MOSPD2: variants seen among roughly 807,000 people sequenced by gnomAD.
MOSPD2 encodes motile sperm domain-containing protein 2.
A neutral mutation model predicts 41.7 loss-of-function variants in MOSPD2; 5 were observed. That is an observed-to-expected ratio of 0.12 (90% CI 0.06 to 0.25). The LOEUF is 0.25. Ranked by LOEUF, MOSPD2 falls within the 10% of genes least tolerant of loss-of-function variation. MOSPD2 has a pLI of 1.00. For missense variants in MOSPD2, 282 were observed against 375.2 expected (o/e 0.75, Z 2.05); for synonymous variants, 115 against 126.9 (o/e 0.91, Z 0.63).
chrX:14,906,963 G>T (rs139767003), intron 7 of MOSPD2, among the ~76,000 whole-genome samples: 2,362 of 111,960 alleles, frequency 0.021, 55 homozygotes, highest in African/African-American at 0.073. Context: ...GGCAGAGGTT[G>T]CAGTGAGCCA....
rs1322759303 is a variant in MOSPD2 at position 14,873,711 on chromosome X, A to G, written c.32A>G (p.Lys11Arg). 5.0e-6 allele frequency: 6 copies of G among 1,209,336 alleles called. No homozygotes were observed. In the East Asian group the frequency reaches 1.8e-4, roughly 36 times the overall value. The change falls in exon 2 of 15, where the codon AAG becomes AGG. Residue 11 changes from lysine (K) to arginine (R), a missense_variant. Transcript: ENST00000380492. MAENHAQNKA[K>R]LISETRRRFE... is the part of the protein sequence containing the mutation. ...CAGAATCACGCCCAGAATAAAGCCA[A>G]GCTCATCTCTGAGACCCGGAGGAGG...
intron 8 of MOSPD2, among the ~76,000 whole-genome samples, chrX:14,910,613 C>A (rs2092589788): frequency 9.0e-6 from 1 of 111,351 alleles, no homozygotes. Context: ...ACAGAATAAA[C>A]TCCTAGAAAA....
Position 14,921,979 on chromosome X carries a change from A to C in MOSPD2, c.*2170A>C, listed in dbSNP as rs2092610513. The C allele has an allele frequency of 8.9e-6, 1 of 111,759 alleles. No individual in the cohort carries two copies. Among genetic ancestry groups the C allele is most frequent in the African/African-American group, 3.3e-5 (1 of 30,732 alleles). The allele number at this position is 111,759 out of a possible 1,213,427, so 9.2% of individuals were successfully genotyped here. On this transcript the variant is annotated 3_prime_UTR_variant, in exon 15 of 15. Coordinates refer to ENST00000380492, the MANE Select transcript of MOSPD2 (RefSeq NM_152581.4). ...TGGAAATTAATAGATTTTCCATGAA[A>C]GCATTAGTGAAATATCATTACCTTG...
At chrX:14,879,681 G>T (rs140147473) in intron 2 of MOSPD2, among the ~76,000 whole-genome samples, 43 of 111,932 alleles carry the variant, frequency 3.8e-4, no homozygotes, top group African/African-American at 1.3e-3. Flanking sequence ...CCAGTAAAAT[G>T]AGTAGGTGGT....
chrX:14,885,544 C>T (rs746898753), intron 2 of MOSPD2: 4 of 111,704 alleles, frequency 3.6e-5, no homozygotes, highest in Non-Finnish European at 7.5e-5. Context: ...AGGAAAAAGA[C>T]AATGATTTCT....
intron 7 of MOSPD2, among the ~76,000 whole-genome samples, chrX:14,906,054 C>T (rs1405591531): frequency 9.0e-6 from 1 of 111,517 alleles, no homozygotes; most frequent in East Asian, 2.8e-4. Flanking sequence ...ATCAAAAGCC[C>T]AGCTGCCTTT....
chrX:14,911,988 ATTAAT>A (rs1159702203), intron 9 of MOSPD2, among the ~76,000 whole-genome samples: 10 of 112,581 alleles, frequency 8.9e-5, no homozygotes, highest in Non-Finnish European at 1.7e-4. Flanking sequence ...TCTAAAAGTA[ATTAAT>A]TTAAAACTTT....
At position 14,920,003 on chromosome X, in the gene MOSPD2, T is replaced by G; in HGVS notation, c.*194T>G. On this transcript the variant is annotated 3_prime_UTR_variant, in exon 15 of 15. Coordinates refer to ENST00000380492, the MANE Select transcript of MOSPD2 (RefSeq NM_152581.4). ...AATAAAGAAATGCTGGAGAAATTGA[T>G]TATAAGAGACTATAGCTATTTAGTA... The G allele has an allele frequency of 1.0e-6, 1 of 956,379 alleles. No individual in the cohort carries two copies. Among genetic ancestry groups the G allele is most frequent in the Non-Finnish European group, 1.3e-6 (1 of 764,298 alleles). The allele number at this position is 956,379 out of a possible 1,213,427, so 78.8% of individuals were successfully genotyped here.
intron 8 of MOSPD2, among the ~76,000 whole-genome samples, chrX:14,910,990 A>G (rs890937404): frequency 9.0e-6 from 1 of 110,628 alleles, no homozygotes; most frequent in Non-Finnish European, 1.9e-5. Flanking sequence ...GCTTTTATCC[A>G]TCTGAAATTC....
chrX:14,896,997 G>T (rs1038296757), intron 4 of MOSPD2, 87 bp from the exon 5 acceptor site: 12 of 709,349 alleles, frequency 1.7e-5, no homozygotes, highest in Admixed American at 1.2e-4. Flanking sequence ...AATTGTAAAT[G>T]AAAAATGTCA....
At position 14,920,226 on chromosome X, in the gene MOSPD2, G is replaced by A. The variant is rs948148397; in HGVS notation, c.*417G>A. The stretch of plus-strand genomic sequence containing the variant: ...ATGACAGAATTATTATAGCTGAGCT[G>A]ACTTACTAGCTTTTCTATACTATGT... On this transcript the variant is annotated 3_prime_UTR_variant, in exon 15 of 15. Coordinates refer to ENST00000380492, the MANE Select transcript of MOSPD2 (RefSeq NM_152581.4). 24 of 750,229 alleles carry A rather than the reference G, an allele frequency of 3.2e-5. No individual in the cohort carries two copies. The highest frequency in any genetic ancestry group is 8.8e-5 in the Admixed American group (1 of 11,379). The allele number at this position is 750,229 out of a possible 1,213,427, so 61.8% of individuals were successfully genotyped here.
chrX:14,883,831 CATT>C (rs1407671977), intron 2 of MOSPD2, among the ~76,000 whole-genome samples: 4 of 111,734 alleles, frequency 3.6e-5, no homozygotes, highest in Non-Finnish European at 7.5e-5. Flanking sequence ...AAGAAATAAT[CATT>C]GACAGTTACC....
chrX:14,883,667 C>T (rs1388723413), intron 2 of MOSPD2, among the ~76,000 whole-genome samples: 2 of 112,028 alleles, frequency 1.8e-5, no homozygotes, highest in Admixed American at 1.9e-4. Context: ...AGGACATTCA[C>T]AGACTATTTT....
At position 14,887,076 on chromosome X, in the gene MOSPD2, C is replaced by G. The variant is rs765438200; in HGVS notation, c.80-5647C>G. Among the ~76,000 whole-genome samples, 127 of 111,802 alleles carry G rather than the reference C, an allele frequency of 1.1e-3. 1 individual carries two copies. Among genetic ancestry groups the G allele is most frequent in the Admixed American group, 2.8e-4 (3 of 10,533 alleles). ...CCAATACGAATGCTCTCTTAATGCC[C>G]CAGAAGGACTTTCAGTGGATCTATG... On this transcript the variant is annotated intron_variant, in intron 2 of 14. Coordinates refer to ENST00000380492, the MANE Select transcript of MOSPD2 (RefSeq NM_152581.4).
chrX:14,900,457 T>G, intron 5 of MOSPD2, 118 bp from the exon 6 acceptor site: 1 of 327,131 alleles, frequency 3.1e-6, no homozygotes. Context: ...CATATGAGCT[T>G]ACTTTTTAAA....
At chrX:14,888,967 AAGAAC>A (rs1207638611) in intron 2 of MOSPD2, among the ~76,000 whole-genome samples, 1 of 111,674 alleles carries the variant, frequency 9.0e-6, no homozygotes, top group Non-Finnish European at 1.9e-5. Flanking sequence ...GTGATTTATA[AAGAAC>A]AGAACAGGGT....
At chrX:14,891,820 G>C (rs1602027926) in intron 2 of MOSPD2, among the ~76,000 whole-genome samples, 1 of 110,676 alleles carries the variant, frequency 9.0e-6, no homozygotes, top group Non-Finnish European at 1.9e-5. Context: ...GCCTGCCTCA[G>C]CCTCCCAAAG....
chrX:14,900,575 G>T lies in MOSPD2; in HGVS notation c.478G>T (p.Asp160Tyr). 1 of 1,113,148 alleles carries T rather than the reference G, an allele frequency of 9.0e-7. No individual in the cohort carries two copies. Among genetic ancestry groups the T allele is most frequent in the Non-Finnish European group, 1.2e-6 (1 of 823,304 alleles). 91.7% of individuals were successfully genotyped at this position (1,113,148 alleles called of 1,213,427 possible). A position where few individuals can be genotyped will look rare whatever the true frequency, so the allele number is the denominator to read the frequency against. ...CTTAAAGATTTAATCTTTATTTTAG[G>T]ACATGGACTTTGTACGCTTTATCAT... ...DLSETGINSIDMDFVRFIINC... is the reference protein window; with the variant it reads ...DLSETGINSIYMDFVRFIINC... Residue 160 changes from aspartate (D) to tyrosine (Y), a missense_variant and splice_region_variant, in exon 6 of 15, where the codon GAC becomes TAC. Asp to Tyr is a radical substitution (Grantham distance 160, BLOSUM62 -3). Transcript: ENST00000380492.
At chrX:14,893,793 G>A (rs900072842) in intron 3 of MOSPD2, among the ~76,000 whole-genome samples, 9 of 112,884 alleles carry the variant, frequency 8.0e-5, no homozygotes, top group Non-Finnish European at 1.7e-4. Flanking sequence ...TTTCAACAGT[G>A]AAGCATTTAT....
Sources: gnomAD v4.1 joint callset for allele counts (sites outside exome capture counted in the v4.1 genomes callset) on GRCh38, gnomAD v4.1.1 for gene constraint, MANE v1.5 for transcripts, NCBI Gene and HGNC (gene_info 2026-07-23, HGNC 2026-07-21) for gene names.